The following NXNL2 variants were observed in gnomAD, a reference collection of about 807,000 sequenced individuals.
The protein encoded by NXNL2 is nucleoredoxin like 2.
NXNL2 carries 7 observed loss-of-function variants against 11.1 expected under a neutral mutation model. The observed-to-expected ratio is 0.63, with a 90% CI of 0.36 to 1.18. The LOEUF (loss-of-function observed/expected upper bound fraction) is 1.18, where lower values mean the gene tolerates loss of function less well. Among genes scored for constraint, NXNL2 ranks in the 50% most tolerant of loss-of-function variants. NXNL2 has a pLI of 0.02. For synonymous variants in NXNL2, 109 were observed against 101.8 expected, an observed-to-expected ratio of 1.07 and a Z score of -0.42; for missense variants, 233 against 217.7, an observed-to-expected ratio of 1.07 and a Z score of -0.44.
At position 88,535,835 on chromosome 9, in the gene NXNL2, C is replaced by CCG. The variant is rs1554703886; in HGVS notation, c.302+100_302+101insGC. On this transcript the variant is annotated intron_variant, in intron 1 of 1. Coordinates refer to ENST00000375854, the MANE Select transcript of NXNL2 (RefSeq NM_001161625.2). ...CACTGGGGAGCTCTTTATGACGCCCCCCCCCAACACCTCCCCGTCTCTCGG... is the reference window on the plus strand; with the variant it reads ...CACTGGGGAGCTCTTTATGACGCCCCCGCCCCCAACACCTCCCCGTCTCTCGG... The CCG allele has an allele frequency of 9.1e-6, 8 of 876,154 alleles. No individual in the cohort carries two copies. In the African/African-American group the frequency reaches 1.4e-4, roughly 15 times the overall value. The allele number at this position is 876,154 out of a possible 1,614,324, so 54.3% of individuals were successfully genotyped here. A position where few individuals can be genotyped will look rare whatever the true frequency, so the allele number is the denominator to read the frequency against.
intron 1 of NXNL2, among the ~76,000 whole-genome samples, chr9:88,550,620 A>T (rs531241610): frequency 1.9e-4 from 29 of 152,340 alleles, no homozygotes; most frequent in African/African-American, 6.3e-4. Flanking sequence ...CTGACTTGTT[A>T]TTGGTTAAGC....
intron 1 of NXNL2, among the ~76,000 whole-genome samples, chr9:88,563,899 G>A (rs145383417): frequency 3.4e-4 from 51 of 152,064 alleles, no homozygotes; most frequent in African/African-American, 1.0e-3. Flanking sequence ...GACTTCTAGC[G>A]TGCTTGAGTT....
chr9:88,570,289 T>C (rs571059695), intron 1 of NXNL2, among the ~76,000 whole-genome samples: 103 of 152,206 alleles, frequency 6.8e-4, no homozygotes, highest in African/African-American at 2.3e-3. Flanking sequence ...CGGCTAATTT[T>C]GGCATTTTCG....
At chr9:88,538,324 C>T (rs2118396257) in intron 1 of NXNL2, 1 of 152,358 alleles carries the variant, frequency 6.6e-6, no homozygotes, top group African/African-American at 2.4e-5. Context: ...TGTGTTAGAG[C>T]TTGATTTAAT....
chr9:88,578,519 A>T (rs1254356403), downstream of NXNL2, among the ~76,000 whole-genome samples: 1 of 152,220 alleles, frequency 6.6e-6, no homozygotes, highest in Non-Finnish European at 1.5e-5. Flanking sequence ...AATAAACATA[A>T]TCTGCCACCC....
intron 1 of NXNL2, among the ~76,000 whole-genome samples, chr9:88,581,834 C>T (rs1317427844): frequency 1.3e-5 from 2 of 152,206 alleles, no homozygotes; most frequent in African/African-American, 4.8e-5. Flanking sequence ...ATGGACTTTG[C>T]TGCACATAAG....
At chr9:88,573,284 C>G (rs1830300795) in intron 2 of NXNL2, among the ~76,000 whole-genome samples, 1 of 152,114 alleles carries the variant, frequency 6.6e-6, no homozygotes, top group Admixed American at 6.5e-5. Context: ...GCTGGGACTA[C>G]AGGTATGCAC....
At chr9:88,538,049 A>G (rs1298471222) in intron 1 of NXNL2, among the ~76,000 whole-genome samples, 1 of 152,202 alleles carries the variant, frequency 6.6e-6, no homozygotes, top group Non-Finnish European at 1.5e-5. Context: ...CTAAGTTATT[A>G]CCATGACAAC....
rs887791863 is a variant in NXNL2, at chr9:88,544,566, G to C, written c.*19G>C. On this transcript the variant is annotated 3_prime_UTR_variant, in exon 2 of 2. Coordinates refer to ENST00000375854, the MANE Select transcript of NXNL2 (RefSeq NM_001161625.2). ...CGTTTGAAGTGGGAGGGACCTCAGAGGGCCAGGACAGGTGCTGCTTCTCCA... is the reference window on the plus strand; with the variant it reads ...CGTTTGAAGTGGGAGGGACCTCAGACGGCCAGGACAGGTGCTGCTTCTCCA... 16 of 1,506,446 alleles carry C rather than the reference G, an allele frequency of 1.1e-5. No individual in the cohort carries two copies. The East Asian group carries it at 3.7e-4, about 35-fold the overall frequency. The allele number at this position is 1,506,446 out of a possible 1,614,324, so 93.3% of individuals were successfully genotyped here. A position where few individuals can be genotyped will look rare whatever the true frequency, so the allele number is the denominator to read the frequency against.
chr9:88,570,000 T>C (rs1485345183), intron 1 of NXNL2, among the ~76,000 whole-genome samples: 1 of 152,208 alleles, frequency 6.6e-6, no homozygotes, highest in African/African-American at 2.4e-5. Context: ...CAAACCTCCA[T>C]GCCCATTCAG....
downstream of NXNL2, among the ~76,000 whole-genome samples, chr9:88,580,506 C>G (rs1338863987): frequency 3.3e-5 from 5 of 152,120 alleles, no homozygotes; most frequent in African/African-American, 1.2e-4. Flanking sequence ...GTGGTGGGAG[C>G]TTCTCTCTTT....
At chr9:88,547,668 G>C (rs1829863598), downstream of NXNL2, among the ~76,000 whole-genome samples, 1 of 152,196 alleles carries the variant, frequency 6.6e-6, no homozygotes, top group South Asian at 2.1e-4. Flanking sequence ...CAGCTATCTA[G>C]AATCTTTGAG....
At chr9:88,582,477 A>T (rs867303910) in intron 1 of NXNL2, among the ~76,000 whole-genome samples, 8 of 152,144 alleles carry the variant, frequency 5.3e-5, no homozygotes, top group African/African-American at 1.9e-4. Flanking sequence ...TCAAAAAAAT[A>T]AAAAAATGAA....
intron 1 of NXNL2, among the ~76,000 whole-genome samples, chr9:88,553,972 T>C (rs1257450998): frequency 1.3e-5 from 2 of 152,192 alleles, no homozygotes; most frequent in Non-Finnish European, 2.9e-5. Flanking sequence ...ATTGTATTAG[T>C]ACAAGGTTTT....
chr9:88,564,434 G>A (rs1830138501), intron 1 of NXNL2, among the ~76,000 whole-genome samples: 1 of 150,772 alleles, frequency 6.6e-6, no homozygotes, highest in African/African-American at 2.4e-5. Context: ...TTTATTTTTT[G>A]AGATGGAGTT....
At chr9:88,561,458 ACTATCTAT>A (rs199978903) in intron 1 of NXNL2, among the ~76,000 whole-genome samples, 9 of 151,976 alleles carry the variant, frequency 5.9e-5, no homozygotes, top group African/African-American at 1.7e-4. Context: ...TCTACCATCT[ACTATCTAT>A]CTATCTATCT....
chr9:88,540,935 ATTTTTTTTTTTTTTT>A (rs71507764), intron 1 of NXNL2, among the ~76,000 whole-genome samples: 6 of 91,074 alleles, frequency 6.6e-5, no homozygotes, highest in African/African-American at 2.5e-4. Context: ...ATCTCAGTAG[ATTTTTTTTTTTTTTT>A]TTTTTTTTTT....
At chr9:88,561,002 A>G (rs1349460990) in intron 1 of NXNL2, among the ~76,000 whole-genome samples, 1 of 152,090 alleles carries the variant, frequency 6.6e-6, no homozygotes, top group Non-Finnish European at 1.5e-5. Context: ...ACACAAGAAG[A>G]CCCCACACAT....
intron 1 of NXNL2, among the ~76,000 whole-genome samples, chr9:88,570,091 TA>T (rs1421265145): frequency 2.0e-5 from 3 of 151,798 alleles, no homozygotes; most frequent in Non-Finnish European, 4.4e-5. Context: ...TGCTTGTTTT[TA>T]TTTTTTTTTA....
Sources: gnomAD v4.1 joint callset for allele counts (sites outside exome capture counted in the v4.1 genomes callset) on GRCh38, gnomAD v4.1.1 for gene constraint, MANE v1.5 for transcripts, NCBI Gene and HGNC (gene_info 2026-07-23, HGNC 2026-07-21) for gene names.